SHANK2: variants seen among roughly 807,000 people sequenced by gnomAD.
SHANK2 encodes the protein SH3 and multiple ankyrin repeat domains protein 2.
In SHANK2, 43 loss-of-function variants were observed where a neutral mutation model predicts 133.7. That is an observed-to-expected ratio of 0.32 (90% CI 0.25 to 0.41). SHANK2 has a LOEUF of 0.41. SHANK2 is among the 10% of genes least tolerant of loss of function. SHANK2 has a pLI of 1.00. For synonymous variants in SHANK2, 1,017 were observed against 952.8 expected, an observed-to-expected ratio of 1.07 and a Z score of -1.24; for missense variants, 1,994 against 2,235.8, an observed-to-expected ratio of 0.89 and a Z score of 2.18.
rs1008002243 is a variant in SHANK2 at position 71,089,201 on chromosome 11, C to T, written c.912+3221G>A. On this transcript the variant is annotated intron_variant, in intron 8 of 25. Transcript: ENST00000601538. ...TCTCCTTCGGGAGCTGCCTCTTCCACATCCTCAACAGGAGCCGAAGCTCAC... is the reference window on the plus strand; with the variant it reads ...TCTCCTTCGGGAGCTGCCTCTTCCATATCCTCAACAGGAGCCGAAGCTCAC... Among the ~76,000 whole-genome samples the T allele has an allele frequency of 2.0e-5, 3 of 152,212 alleles. No homozygotes were observed. The South Asian group carries it at 6.2e-4, about 32-fold the overall frequency.
intron 15 of SHANK2, among the ~76,000 whole-genome samples, chr11:70,689,124 G>A (rs557050276): frequency 6.6e-6 from 1 of 152,336 alleles, no homozygotes; most frequent in South Asian, 2.1e-4. Flanking sequence ...TTCACAAAGA[G>A]ATCCGGAAAC....
intron 10 of SHANK2, among the ~76,000 whole-genome samples, chr11:70,927,043 C>G (rs1041151812): frequency 6.6e-6 from 1 of 151,966 alleles, no homozygotes; most frequent in Non-Finnish European, 1.5e-5. Context: ...CTCTGCCGCA[C>G]GACGTGGCAG....
At chr11:70,805,772 T>C (rs986000043) in intron 13 of SHANK2, among the ~76,000 whole-genome samples, 2 of 152,154 alleles carry the variant, frequency 1.3e-5, no homozygotes, top group African/African-American at 2.4e-5. Flanking sequence ...CTAGCAAACA[T>C]GATTTATGAA....
chr11:70,641,808 A>C (rs1052340664), intron 17 of SHANK2, among the ~76,000 whole-genome samples: 2 of 152,128 alleles, frequency 1.3e-5, no homozygotes, highest in African/African-American at 4.8e-5. Flanking sequence ...ACGGACACAC[A>C]ATGTCTAAAA....
chr11:70,791,066 A>C (rs544362295), intron 14 of SHANK2, among the ~76,000 whole-genome samples: 1 of 152,208 alleles, frequency 6.6e-6, no homozygotes. Context: ...CAGGAAAAAA[A>C]CCTGCACTCC....
chr11:70,688,059 C>T (rs1235900895), intron 15 of SHANK2, among the ~76,000 whole-genome samples: 1 of 152,190 alleles, frequency 6.6e-6, no homozygotes, highest in Non-Finnish European at 1.5e-5. Flanking sequence ...TGCCTGGCCC[C>T]ACAGAAAAGG....
rs137936210 is a variant in SHANK2, at chr11:71,194,265, C to T, written c.-13+30432G>A. Among the ~76,000 whole-genome samples the T allele has an allele frequency of 6.4e-3, 975 of 152,258 alleles. 9 individuals carry two copies. The highest frequency in any genetic ancestry group is 0.022 in the African/African-American group (925 of 41,544). ...GTTCTGATGGGACCACAGTTACTCA[C>T]GGGGACAACTAAGCAGTGGGTGCCC... On this transcript the variant is annotated intron_variant, in intron 2 of 25. Coordinates refer to ENST00000601538, the MANE Select transcript of SHANK2 (RefSeq NM_012309.5).
chr11:70,654,753 TTTTG>T (rs1555011070), intron 17 of SHANK2, among the ~76,000 whole-genome samples: 1 of 145,530 alleles, frequency 6.9e-6, no homozygotes, highest in African/African-American at 2.6e-5. Flanking sequence ...TGCTACCTGG[TTTTG>T]TTTTTGTTTT....
chr11:71,129,641 C>G (rs192755112), intron 3 of SHANK2, among the ~76,000 whole-genome samples: 56 of 152,204 alleles, frequency 3.7e-4, no homozygotes, highest in African/African-American at 1.3e-3. Flanking sequence ...AAGACCCTGA[C>G]TCAAAACAAA....
At chr11:71,210,868 T>G in intron 2 of SHANK2, among the ~76,000 whole-genome samples, 1 of 151,988 alleles carries the variant, frequency 6.6e-6, no homozygotes, top group South Asian at 2.1e-4. Context: ...TTGGGGGCAG[T>G]GAAGAGAGTG....
chr11:71,218,309 C>T (rs1164824820), intron 2 of SHANK2, among the ~76,000 whole-genome samples: 14 of 136,522 alleles, frequency 1.0e-4, no homozygotes, highest in South Asian at 4.6e-4. Context: ...TTCTTGCCCA[C>T]GCTGGAGTGC....
rs559605306 is a variant in SHANK2 at position 70,616,589 on chromosome 11, C to T, written c.2061+43239G>A. On this transcript the variant is annotated intron_variant, in intron 17 of 25. Transcript: ENST00000601538. ...GCACTGTTCCCCACAGACCCTGGAA[C>T]CAGGTCCCTGGTGCCCAGTGCTGGG... Among the ~76,000 whole-genome samples the T allele has an allele frequency of 3.3e-5, 5 of 152,306 alleles. No homozygotes were observed. In the South Asian group the frequency reaches 1.0e-3, roughly 32 times the overall value.
intron 17 of SHANK2, among the ~76,000 whole-genome samples, chr11:70,633,281 T>C (rs1313087876): frequency 1.3e-5 from 2 of 149,186 alleles, no homozygotes; most frequent in African/African-American, 2.4e-5. Flanking sequence ...TTTATATATA[T>C]ATAAATAACA....
At position 70,785,252 on chromosome 11, in the gene SHANK2, T is replaced by C. The variant is rs576783239; in HGVS notation, c.1777+13191A>G. 2.6e-5 allele frequency among the ~76,000 whole-genome samples: 4 copies of C among 152,218 alleles called. No individual in the cohort carries two copies. In the East Asian group the frequency reaches 7.7e-4, roughly 29 times the overall value. ...GCGCCTGGGCCCCCTCCTACCCTCG[T>C]CCACACACCATCTTACCCCCAGACT... On this transcript the variant is annotated intron_variant, in intron 14 of 25. Coordinates refer to ENST00000601538, the MANE Select transcript of SHANK2 (RefSeq NM_012309.5).
intron 17 of SHANK2, among the ~76,000 whole-genome samples, chr11:70,600,866 G>A (rs1026997168): frequency 6.6e-6 from 1 of 152,234 alleles, no homozygotes; most frequent in East Asian, 1.9e-4. Flanking sequence ...TTGGGAAACA[G>A]CTTTACAAAC....
At position 70,875,794 on chromosome 11, in the gene SHANK2, C is replaced by T. The variant is rs567666418; in HGVS notation, c.1174+20707G>A. On this transcript the variant is annotated intron_variant, in intron 11 of 25. Coordinates refer to ENST00000601538, the MANE Select transcript of SHANK2 (RefSeq NM_012309.5). The stretch of plus-strand genomic sequence containing the variant: ...TATTTGAGCCCTGGGAGGTCGAGAC[C>T]GCAGTTGGCGGTGAATGCACTGCTG... Among the ~76,000 whole-genome samples, 5 of 149,824 alleles carry T rather than the reference C, an allele frequency of 3.3e-5. No homozygotes were observed. In the South Asian group the frequency reaches 8.5e-4, roughly 26 times the overall value.
In SHANK2 at chr11:70,953,771, A is replaced by C. The variant is rs185572515; in HGVS notation, c.1108-57204T>G. On this transcript the variant is annotated intron_variant, in intron 10 of 25. Coordinates refer to ENST00000601538, the MANE Select transcript of SHANK2 (RefSeq NM_012309.5). ...GACACCCTCAGACACACCCAGAAAC[A>C]ATACTTGACCATCCCTGCGGGCATC... is the stretch of plus-strand genomic sequence containing the variant. 2.1e-3 allele frequency among the ~76,000 whole-genome samples: 321 copies of C among 152,264 alleles called. 2 individuals are homozygous for C. Among genetic ancestry groups the C allele is most frequent in the Non-Finnish European group, 6.2e-4 (42 of 67,992 alleles).
intron 11 of SHANK2, among the ~76,000 whole-genome samples, chr11:70,884,449 CTTTG>C (rs1383498618): frequency 1.3e-5 from 2 of 152,220 alleles, no homozygotes; most frequent in Non-Finnish European, 2.9e-5. Flanking sequence ...ACAGCATGGG[CTTTG>C]TTTGGTTTGG....
rs1174824146 is a variant in SHANK2, at chr11:70,919,224, G to A, written c.1108-22657C>T. ...GCATACAATGTGCAATGGCTAAATC[G>A]AGCTGATGAACACGCACACCGCCTC... On this transcript the variant is annotated intron_variant, in intron 10 of 25. Coordinates refer to ENST00000601538, the MANE Select transcript of SHANK2 (RefSeq NM_012309.5). Among the ~76,000 whole-genome samples, 7 of 152,082 alleles carry A rather than the reference G, an allele frequency of 4.6e-5. No homozygotes were observed. In the East Asian group the frequency reaches 9.6e-4, roughly 21 times the overall value.
Sources: allele counts gnomAD v4.1 joint callset (sites outside exome capture counted in the v4.1 genomes callset), GRCh38; gene constraint gnomAD v4.1.1; transcripts MANE v1.5; gene names NCBI Gene and HGNC (gene_info 2026-07-23, HGNC 2026-07-21).